BSDC1: variants seen among roughly 807,000 people sequenced by gnomAD.
BSDC1 encodes BSD domain-containing protein 1.
In BSDC1, 29 loss-of-function variants were observed where a neutral mutation model predicts 56.0. The observed-to-expected ratio is 0.52, with a 90% CI of 0.39 to 0.71. The LOEUF (loss-of-function observed/expected upper bound fraction) is 0.71, where lower values mean the gene tolerates loss of function less well. Among genes scored for constraint, BSDC1 ranks in the 30% least tolerant of loss-of-function variants. The pLI is 0.00. For synonymous variants in BSDC1, 210 were observed against 215.3 expected (o/e 0.98, Z 0.21); for missense variants, 477 against 548.5 (o/e 0.87, Z 1.30).
intron 9 of BSDC1, among the ~76,000 whole-genome samples, chr1:32,371,615 TC>T (rs1174568222): frequency 9.9e-5 from 15 of 151,592 alleles, no homozygotes; most frequent in Admixed American, 9.9e-4. Flanking sequence ...CAGCCTGTAG[TC>T]TTTTTTTTTA....
chr1:32,394,116 G>A lies in BSDC1; in HGVS notation c.36C>T (p.Ser12=), dbSNP rs141631343. The A allele has an allele frequency of 8.2e-5, 132 of 1,610,080 alleles. 1 individual carries two copies. The highest frequency in any genetic ancestry group is 7.0e-4 in the South Asian group (63 of 90,414). The change falls in exon 2 of 11, where the codon AGC becomes AGT. Residue 12 remains serine, a synonymous_variant. Transcript: ENST00000455895. ...CTGCTTGGTAGCTCTGCTGCAGCCA[G>A]CTCCGCCACCATCCCACGTCCTCCC... ...AEGEDVGWWR[S]WLQQSYQAVK... is the part of the protein sequence containing the mutation.
intron 5 of BSDC1, among the ~76,000 whole-genome samples, chr1:32,380,460 A>G (rs1188427765): frequency 6.6e-6 from 1 of 152,180 alleles, no homozygotes; most frequent in Non-Finnish European, 1.5e-5. Context: ...AGCCTGACCA[A>G]CATGGTGAAA....
chr1:32,393,788 C>T (rs1203289721), intron 2 of BSDC1: 3 of 440,624 alleles, frequency 6.8e-6, no homozygotes, highest in Admixed American at 7.8e-5. Flanking sequence ...CTCTCTTTCA[C>T]GAAGAAACTG....
In BSDC1 at chr1:32,369,719, C is replaced by G. The variant is rs1347592639; in HGVS notation, c.1157-1169G>C. Among the ~76,000 whole-genome samples, 2 of 152,186 alleles carry G rather than the reference C, an allele frequency of 1.3e-5. 1 individual carries two copies. The highest frequency in any genetic ancestry group is 4.1e-4 in the South Asian group (2 of 4,834). ...ACCTCCTTCATGCCATTGCTCAAAT[C>G]GTACCTTCTAGATGTGGCCTACACT... On this transcript the variant is annotated intron_variant, in intron 9 of 10. Coordinates refer to ENST00000455895, the MANE Select transcript of BSDC1 (RefSeq NM_018045.8).
intron 2 of BSDC1, among the ~76,000 whole-genome samples, chr1:32,392,880 A>G (rs1642913217): frequency 6.6e-6 from 1 of 152,202 alleles, no homozygotes; most frequent in African/African-American, 2.4e-5. Context: ...TCTGGCCAAC[A>G]TGGTGAAACC....
At chr1:32,386,599 T>C (rs1642680111) in intron 3 of BSDC1, 180 bp downstream of exon 3, 5 of 499,704 alleles carry the variant, frequency 1.0e-5, no homozygotes, top group African/African-American at 5.9e-5. Context: ...AAACTAATTA[T>C]TACTTAAAAT....
At chr1:32,375,158 AAC>A (rs1642233859) in intron 9 of BSDC1, among the ~76,000 whole-genome samples, 1 of 152,044 alleles carries the variant, frequency 6.6e-6, no homozygotes. Context: ...TCAAAAAAAA[AAC>A]AATAAAAACC....
At chr1:32,392,828 C>T (rs972969665) in intron 2 of BSDC1, among the ~76,000 whole-genome samples, 4 of 152,194 alleles carry the variant, frequency 2.6e-5, no homozygotes, top group African/African-American at 9.6e-5. Context: ...CTTTGGGAAG[C>T]TGAGGCAGGT....
rs1641856474 is a variant in BSDC1, at chr1:32,366,519, AGAG to A, written c.*100_*102del. On this transcript the variant is annotated 3_prime_UTR_variant, in exon 11 of 11. Coordinates refer to ENST00000455895, the MANE Select transcript of BSDC1 (RefSeq NM_018045.8). ...ATCTGTGCCCAGAGCTCTGGTTGGC[AGAG>A]GAGATTTGGGGGAACATTCTCAGTC... is the stretch of plus-strand genomic sequence containing the variant. The A allele has an allele frequency of 1.8e-6, 2 of 1,135,502 alleles. No individual in the cohort carries two copies. Among genetic ancestry groups the A allele is most frequent in the South Asian group, 1.3e-5 (1 of 75,710 alleles). The allele number at this position is 1,135,502 out of a possible 1,614,324, so 70.3% of individuals were successfully genotyped here.
At chr1:32,376,768 G>C (rs578178870) in intron 8 of BSDC1, 27 bp from the exon 9 acceptor site, 1 of 1,339,522 alleles carries the variant, frequency 7.5e-7, no homozygotes, top group African/African-American at 1.5e-5. Context: ...GGAGGGGCAA[G>C]AGGGAAATGT....
intron 8 of BSDC1, among the ~76,000 whole-genome samples, chr1:32,377,141 GAA>G (rs529033352): frequency 6.9e-6 from 1 of 144,644 alleles, no homozygotes; most frequent in South Asian, 2.2e-4. Context: ...GCCTCAAAAC[GAA>G]AAAAAAAAGA....
At chr1:32,372,863 A>T (rs138627165) in intron 9 of BSDC1, among the ~76,000 whole-genome samples, 30 of 152,338 alleles carry the variant, frequency 2.0e-4, no homozygotes, top group South Asian at 8.3e-4. Context: ...TCACACGGTC[A>T]TGAAGTGAGG....
intron 3 of BSDC1, chr1:32,386,318 CA>C (rs1220666804): frequency 0.052 from 3,071 of 59,206 alleles, 20 homozygotes; most frequent in Middle Eastern, 0.1. Flanking sequence ...GACTCCAACT[CA>C]AAAAAAAAAA....
At chr1:32,382,630 G>T (rs1642521025) in intron 4 of BSDC1, among the ~76,000 whole-genome samples, 1 of 150,982 alleles carries the variant, frequency 6.6e-6, no homozygotes, top group African/African-American at 2.4e-5. Context: ...GGGGGCTGAG[G>T]TAGGAGGATC....
chr1:32,383,169 GCA>G (rs1466779070), intron 4 of BSDC1, among the ~76,000 whole-genome samples: 4 of 152,144 alleles, frequency 2.6e-5, no homozygotes, highest in Non-Finnish European at 5.9e-5. Flanking sequence ...GGCTGGCTGG[GCA>G]CAGTGGCTCA....
At chr1:32,367,700 G>A (rs1398268736) in intron 10 of BSDC1, 1 of 983,854 alleles carries the variant, frequency 1.0e-6, no homozygotes, top group African/African-American at 1.7e-5. Context: ...GAGAGGTAGT[G>A]AAGAATAACA....
chr1:32,391,054 T>TAGGG (rs1231953514), intron 2 of BSDC1, among the ~76,000 whole-genome samples: 1 of 151,464 alleles, frequency 6.6e-6, no homozygotes, highest in Non-Finnish European at 1.5e-5. Flanking sequence ...ACACTACCTG[T>TAGGG]AGGGGGCAAG....
intron 2 of BSDC1, among the ~76,000 whole-genome samples, chr1:32,390,874 G>A (rs1048738718): frequency 6.6e-6 from 1 of 152,076 alleles, no homozygotes; most frequent in African/African-American, 2.4e-5. Flanking sequence ...TTGCATCACT[G>A]CACTTCAGCT....
intron 9 of BSDC1, among the ~76,000 whole-genome samples, chr1:32,375,874 C>A (rs1290541380): frequency 2.6e-5 from 4 of 152,078 alleles, no homozygotes; most frequent in Non-Finnish European, 5.9e-5. Flanking sequence ...GTCAGACAGC[C>A]CTGGGTCTGA....
Sources: gnomAD v4.1 joint callset for allele counts (sites outside exome capture counted in the v4.1 genomes callset) on GRCh38, gnomAD v4.1.1 for gene constraint, MANE v1.5 for transcripts, NCBI Gene and HGNC (gene_info 2026-07-23, HGNC 2026-07-21) for gene names.